Variants in EDDM13 observed in about 807,000 individuals in gnomAD.
EDDM13 encodes the protein epididymal protein 13.
Under a neutral mutation model 17.8 loss-of-function variants are expected in EDDM13, and 24 were observed. The ratio of observed to expected loss-of-function variants is 1.35; its 90% CI spans 0.98 to 1.90. The LOEUF is 1.90. EDDM13 is among the 40% of genes most tolerant of loss of function. EDDM13 has a pLI of 0.00. For missense variants in EDDM13, 97 were observed against 100.8 expected (o/e 0.96, Z 0.16); for synonymous variants, 31 against 37.5 (o/e 0.83, Z 0.63).
At chr19:56,288,532 G>A (rs1042613720) in intron 7 of EDDM13, among the ~76,000 whole-genome samples, 94 bp downstream of exon 7, 1 of 152,128 alleles carries the variant, frequency 6.6e-6, no homozygotes, top group Non-Finnish European at 1.5e-5. Flanking sequence ...TGATGCTTTT[G>A]CTGTCTGCTT....
intron 9 of EDDM13, among the ~76,000 whole-genome samples, chr19:56,292,068 C>T (rs2039546983): frequency 6.6e-6 from 1 of 152,096 alleles, no homozygotes; most frequent in South Asian, 2.1e-4. Context: ...CGGTGGGTTA[C>T]GGATCCTGGG....
At chr19:56,292,064 G>A (rs192443508) in intron 9 of EDDM13, among the ~76,000 whole-genome samples, 1 of 152,218 alleles carries the variant, frequency 6.6e-6, no homozygotes, top group Admixed American at 6.5e-5. Flanking sequence ...GTGACGGTGG[G>A]TTACGGATCC....
chr19:56,274,149 C>T (rs1452316080), intron 1 of EDDM13, among the ~76,000 whole-genome samples: 3 of 152,036 alleles, frequency 2.0e-5, no homozygotes, highest in Admixed American at 2.0e-4. Flanking sequence ...CTGCCCTTAA[C>T]TGAGATGAGA....
At chr19:56,307,524 G>A (rs1478255312) in intron 14 of EDDM13, among the ~76,000 whole-genome samples, 1 of 152,200 alleles carries the variant, frequency 6.6e-6, no homozygotes, top group African/African-American at 2.4e-5. Context: ...GTGAGGTGAT[G>A]AGATTTGCAA....
intron 14 of EDDM13, among the ~76,000 whole-genome samples, chr19:56,305,991 G>C (rs1256493342): frequency 6.6e-6 from 1 of 151,866 alleles, no homozygotes; most frequent in Non-Finnish European, 1.5e-5. Flanking sequence ...GGAGGGAGTG[G>C]GAGGGCACTA....
At chr19:56,289,571 T>G (rs909836393) in intron 8 of EDDM13, among the ~76,000 whole-genome samples, 5 of 152,204 alleles carry the variant, frequency 3.3e-5, no homozygotes, top group Admixed American at 3.3e-4. Flanking sequence ...GGCACATAGT[T>G]GGACCACACA....
chr19:56,278,808 C>G (rs59820036), intron 2 of EDDM13, among the ~76,000 whole-genome samples: 61,540 of 151,948 alleles, frequency 0.41, 14,029 homozygotes, highest in Non-Finnish European at 0.51. Flanking sequence ...ATCCCAAAAG[C>G]TGGAGTACCT....
chr19:56,308,086 C>A (rs530032635), intron 14 of EDDM13, among the ~76,000 whole-genome samples: 1 of 152,196 alleles, frequency 6.6e-6, no homozygotes, highest in Non-Finnish European at 1.5e-5. Flanking sequence ...CAGGCTGGAG[C>A]GCAGTGGCGC....
intron 12 of EDDM13, among the ~76,000 whole-genome samples, chr19:56,299,410 G>T (rs570368827): frequency 4.6e-5 from 7 of 150,628 alleles, no homozygotes; most frequent in Admixed American, 4.6e-4. Context: ...TGGAATTACA[G>T]ACATAAGCCA....
intron 5 of EDDM13, 71 bp from the exon 6 acceptor site, chr19:56,284,927 G>A (rs1475691919): frequency 8.9e-6 from 7 of 788,516 alleles, no homozygotes; most frequent in Non-Finnish European, 1.1e-5. Flanking sequence ...GTTGAACTGG[G>A]AGAAATCCAT....
intron 6 of EDDM13, among the ~76,000 whole-genome samples, chr19:56,286,053 G>A (rs2039092376): frequency 6.6e-6 from 1 of 152,046 alleles, no homozygotes; most frequent in African/African-American, 2.4e-5. Context: ...ACGGAGTCTC[G>A]CTCTGTTGCC....
rs183588436 is a variant in EDDM13 at position 56,294,103 on chromosome 19, C to A, written c.233-1856C>A. Among the ~76,000 whole-genome samples the A allele has an allele frequency of 8.5e-5, 13 of 152,292 alleles. No individual in the cohort carries two copies. In the East Asian group the frequency reaches 2.3e-3, roughly 27 times the overall value. ...AGCACTTTGCAAACTGAAAGCAGACCCAGCAGGAAAATCCCAAACACCTGC... is the reference window on the plus strand; with the variant it reads ...AGCACTTTGCAAACTGAAAGCAGACACAGCAGGAAAATCCCAAACACCTGC... On this transcript the variant is annotated intron_variant, in intron 9 of 14. Transcript: ENST00000649256.
chr19:56,308,733 T>A (rs1439432085), intron 14 of EDDM13, among the ~76,000 whole-genome samples: 2 of 152,018 alleles, frequency 1.3e-5, no homozygotes, highest in African/African-American at 4.8e-5. Flanking sequence ...AAAGTCCTCC[T>A]CAGTCCTCAA....
chr19:56,293,930 G>A (rs537600993), intron 9 of EDDM13, among the ~76,000 whole-genome samples: 4 of 152,262 alleles, frequency 2.6e-5, no homozygotes, highest in African/African-American at 4.8e-5. Flanking sequence ...TGTCTGGCAC[G>A]GGATAAGAGC....
At chr19:56,303,020 T>C (rs957576635) in intron 13 of EDDM13, 5 of 395,254 alleles carry the variant, frequency 1.3e-5, no homozygotes, top group African/African-American at 1.0e-4. Context: ...TATCTCAGCC[T>C]AGGGGAAGTG....
chr19:56,303,873 G>A (rs1278618801), intron 13 of EDDM13, among the ~76,000 whole-genome samples: 2 of 152,116 alleles, frequency 1.3e-5, no homozygotes, highest in Admixed American at 6.5e-5. Flanking sequence ...AGCAGCTTGG[G>A]GGCAACCACT....
chr19:56,283,134 T>TA (rs1316471167), intron 4 of EDDM13: 2 of 152,228 alleles, frequency 1.3e-5, no homozygotes, highest in African/African-American at 2.4e-5. Context: ...TAAGTGAACT[T>TA]ACGGTTGCAA....
chr19:56,279,120 C>T (rs541770063), intron 2 of EDDM13, among the ~76,000 whole-genome samples: 4 of 152,272 alleles, frequency 2.6e-5, no homozygotes, highest in South Asian at 2.1e-4. Flanking sequence ...TGAGAATAAA[C>T]GTCTTACTGC....
intron 11 of EDDM13, among the ~76,000 whole-genome samples, chr19:56,297,143 G>C (rs138324085): frequency 1.7e-3 from 265 of 152,194 alleles, no homozygotes; most frequent in Middle Eastern, 6.8e-3. Context: ...AAGGGCAGGT[G>C]AGCCAGAGAT....
Sources: allele counts gnomAD v4.1 joint callset (sites outside exome capture counted in the v4.1 genomes callset), GRCh38; gene constraint gnomAD v4.1.1; transcripts MANE v1.5; gene names NCBI Gene and HGNC (gene_info 2026-07-23, HGNC 2026-07-21).